The following GRP variants were observed in gnomAD, a reference collection of about 807,000 sequenced individuals.
The protein encoded by GRP is gastrin releasing peptide.
GRP carries 11 observed loss-of-function variants against 12.7 expected under a neutral mutation model. The ratio of observed to expected loss-of-function variants is 0.87; its 90% CI spans 0.55 to 1.44. GRP has a LOEUF of 1.44. Among genes scored for constraint, GRP ranks in the 40% most tolerant of loss-of-function variants. The probability of loss-of-function intolerance (pLI) is 0.00; values close to 1 mark genes in which losing one functional copy is unlikely to be tolerated. For synonymous variants in GRP, 84 were observed against 77.7 expected (o/e 1.08, Z -0.43); for missense variants, 212 against 185.4 (o/e 1.14, Z -0.83).
At chr18:59,228,772 C>A (rs1320919478) in intron 2 of GRP, among the ~76,000 whole-genome samples, 1 of 152,206 alleles carries the variant, frequency 6.6e-6, no homozygotes, top group Non-Finnish European at 1.5e-5. Flanking sequence ...GTTTCTGCAA[C>A]ATGAAACTCA....
At position 59,230,609 on chromosome 18, in the gene GRP, G is replaced by A. The variant is rs949195975; in HGVS notation, c.*141G>A. ...GTATCTTTCATCCTTGACTAAATTC[G>A]TGATTTTCAAGCAGCATCTTCTGGT... On this transcript the variant is annotated 3_prime_UTR_variant, in exon 3 of 3. Transcript: ENST00000256857. 1.6e-5 allele frequency: 10 copies of A among 607,926 alleles called. No homozygotes were observed. Among genetic ancestry groups the A allele is most frequent in the Middle Eastern group, 2.6e-4 (1 of 3,836 alleles). 37.7% of individuals were successfully genotyped at this position (607,926 alleles called of 1,614,324 possible).
chr18:59,220,544 C>A (rs2144094166), intron 1 of GRP, 140 bp downstream of exon 1: 2 of 659,120 alleles, frequency 3.0e-6, no homozygotes, highest in Non-Finnish European at 4.5e-6. Context: ...TATCGGCAAA[C>A]ACCTTCCCCG....
chr18:59,228,309 A>G (rs2069976447), intron 2 of GRP, among the ~76,000 whole-genome samples: 1 of 152,228 alleles, frequency 6.6e-6, no homozygotes, highest in African/African-American at 2.4e-5. Flanking sequence ...TAGAACCCAT[A>G]TATCTCCCAT....
Position 59,230,536 on chromosome 18 carries a change from C to T in GRP, c.*68C>T. 2 of 845,108 alleles carry T rather than the reference C, an allele frequency of 2.4e-6. No individual in the cohort carries two copies. Among genetic ancestry groups the T allele is most frequent in the South Asian group, 2.7e-5 (2 of 73,840 alleles). 52.4% of individuals were successfully genotyped at this position (845,108 alleles called of 1,614,324 possible). On this transcript the variant is annotated 3_prime_UTR_variant, in exon 3 of 3. Transcript: ENST00000256857. The stretch of plus-strand genomic sequence containing the variant: ...AGACTGCGTTCTGCAAGCATCAGTT[C>T]TACGGATCATCAACAAGATTTCCTT...
intron 2 of GRP, among the ~76,000 whole-genome samples, chr18:59,227,382 A>G (rs1568085243): frequency 6.6e-6 from 1 of 152,192 alleles, no homozygotes; most frequent in East Asian, 1.9e-4. Context: ...CCTGTGTCAT[A>G]GGTGTTATGT....
At chr18:59,224,427 T>A (rs2069883171) in intron 1 of GRP, among the ~76,000 whole-genome samples, 1 of 152,248 alleles carries the variant, frequency 6.6e-6, no homozygotes, top group South Asian at 2.1e-4. Flanking sequence ...TCAAATTTTA[T>A]GTTTGCCTTA....
chr18:59,230,294 CCTTT>C lies in GRP; in HGVS notation c.383-107_383-104del, dbSNP rs1488194350. 4.2e-6 allele frequency: 3 copies of C among 719,382 alleles called. No homozygotes were observed. The Admixed American group carries it at 6.3e-5, about 15-fold the overall frequency. 44.6% of individuals were successfully genotyped at this position (719,382 alleles called of 1,614,324 possible). ...GGTGTTAGGCTGAACCAAGAATTTG[CCTTT>C]CTAACAAGCTCCCAAGTGATGCTGA... On this transcript the variant is annotated intron_variant, in intron 2 of 2. Coordinates refer to ENST00000256857, the MANE Select transcript of GRP (RefSeq NM_002091.5).
At chr18:59,220,462 AG>A in intron 1 of GRP, 58 bp downstream of exon 1, 1 of 1,309,026 alleles carries the variant, frequency 7.6e-7, no homozygotes, top group Admixed American at 3.9e-5. Flanking sequence ...AGCCAGCCGG[AG>A]GGGACCTGTC....
chr18:59,230,459 C>T lies in GRP; in HGVS notation c.438C>T (p.Asn146=), dbSNP rs2070015723. 3 of 1,584,004 alleles carry T rather than the reference C, an allele frequency of 1.9e-6. No homozygotes were observed. Among genetic ancestry groups the T allele is most frequent in the Non-Finnish European group, 2.6e-6 (3 of 1,152,456 alleles). ...SQREGRNPQL[N]QQ is the part of the protein sequence containing the mutation. The stretch of plus-strand genomic sequence containing the variant: ...GTGAAGGAAGGAACCCCCAGCTGAA[C>T]CAGCAATGATAATGATGGCCTCTCT... The change falls in exon 3 of 3, where the codon AAC becomes AAT. Residue 146 remains asparagine, a synonymous_variant. Transcript: ENST00000256857.
chr18:59,220,008 G>A (rs963062760), upstream of GRP, among the ~76,000 whole-genome samples: 2 of 152,196 alleles, frequency 1.3e-5, no homozygotes, highest in Non-Finnish European at 2.9e-5. Context: ...TTCATCACTC[G>A]GCGGGGAGAT....
At position 59,225,695 on chromosome 18, in the gene GRP, G is replaced by A. The variant is rs554385679; in HGVS notation, c.343G>A (p.Asp115Asn). 4 of 1,614,060 alleles carry A rather than the reference G, an allele frequency of 2.5e-6. No homozygotes were observed. The highest frequency in any genetic ancestry group is 3.3e-5 in the Admixed American group (2 of 60,014). The change falls in exon 2 of 3, where the codon GAT (aspartate) becomes AAT (asparagine). Residue 115 changes from aspartate (D) to asparagine (N), a missense_variant. Physicochemically the swap from Asp to Asn is conservative, Grantham distance 23. Coordinates refer to ENST00000256857, the MANE Select transcript of GRP (RefSeq NM_002091.5). ...TCAGCAGCCTTCGTGGGATTCAGAG[G>A]ATAGCAGCAACTTCAAAGATGTAGG... The part of the protein sequence containing the change: ...GNQQPSWDSE[D>N]SSNFKDVGSK...
chr18:59,227,028 T>TCTTTCTTTCTTCCTTC (rs1603384274), intron 2 of GRP, among the ~76,000 whole-genome samples: 2 of 145,144 alleles, frequency 1.4e-5, no homozygotes, highest in East Asian at 3.9e-4. Flanking sequence ...TTTCTTTCTT[T>TCTTTCTTTCTTCCTTC]CTTTCTTTCT....
At chr18:59,227,922 T>A (rs2069969806) in intron 2 of GRP, among the ~76,000 whole-genome samples, 4 of 152,060 alleles carry the variant, frequency 2.6e-5, no homozygotes, top group African/African-American at 9.7e-5. Flanking sequence ...CTGCCGAGAG[T>A]GACTGCTTAA....
At chr18:59,220,123 C>CG, upstream of GRP, 5 of 257,106 alleles carry the variant, frequency 1.9e-5, no homozygotes, top group East Asian at 1.2e-4. Flanking sequence ...CCCGCCCGGG[C>CG]TTCCATATAA....
upstream of GRP, among the ~76,000 whole-genome samples, chr18:59,219,261 G>A (rs891357763): frequency 6.6e-6 from 1 of 151,216 alleles, no homozygotes; most frequent in African/African-American, 2.4e-5. Context: ...CTATTCCATG[G>A]AAGTTGCATG....
chr18:59,220,994 T>C (rs994270053), intron 1 of GRP, among the ~76,000 whole-genome samples: 1 of 152,224 alleles, frequency 6.6e-6, no homozygotes, highest in Admixed American at 6.5e-5. Context: ...TGTGACTCTC[T>C]GGAGTTTCCT....
chr18:59,223,435 C>G (rs1230286595), intron 1 of GRP, among the ~76,000 whole-genome samples: 2 of 152,172 alleles, frequency 1.3e-5, no homozygotes, highest in Non-Finnish European at 2.9e-5. Context: ...AGAACTGATC[C>G]CCACACATTC....
At chr18:59,220,522 T>A in intron 1 of GRP, 118 bp downstream of exon 1, 2 of 872,954 alleles carry the variant, frequency 2.3e-6, no homozygotes, top group Middle Eastern at 2.5e-4. Flanking sequence ...GCTGGGTTTG[T>A]TGTGACCTTT....
Position 59,225,545 on chromosome 18 carries a change from G to A in GRP, c.193G>A (p.Gly65Arg). Residue 65 changes from glycine (G) to arginine (R), a missense_variant, in exon 2 of 3, where the codon GGG becomes AGG. Gly to Arg is a moderately radical substitution (Grantham distance 125). Transcript: ENST00000256857. ...GGAGTCTTCTTCTGTTTCTGAGAGA[G>A]GGAGCCTGAAGCAGCAGCTGAGAGA... ...TGESSSVSER[G>R]SLKQQLREYI... 1 of 1,613,978 alleles carries A rather than the reference G, an allele frequency of 6.2e-7. No homozygotes were observed.
Sources: allele counts gnomAD v4.1 joint callset (sites outside exome capture counted in the v4.1 genomes callset), GRCh38; gene constraint gnomAD v4.1.1; transcripts MANE v1.5; gene names NCBI Gene and HGNC (gene_info 2026-07-23, HGNC 2026-07-21).